Variants in ZFHX3 observed in about 807,000 individuals in gnomAD.
ZFHX3 encodes zinc finger homeobox 3.
ZFHX3 carries 42 observed loss-of-function variants against 279.1 expected under a neutral mutation model. The ratio of observed to expected loss-of-function variants is 0.15; its 90% CI spans 0.12 to 0.19. The LOEUF (loss-of-function observed/expected upper bound fraction) is 0.19. ZFHX3 is among the 10% of genes least tolerant of loss of function. The probability of loss-of-function intolerance (pLI) is 1.00; values close to 1 mark genes in which losing one functional copy is unlikely to be tolerated. For synonymous variants in ZFHX3, 2,293 were observed against 1,957.8 expected (o/e 1.17, Z -4.52); for missense variants, 4,981 against 4,754.0 (o/e 1.05, Z -1.40).
At chr16:73,282,049 A>C (rs1431067146) in intron 4 of ZFHX3, among the ~76,000 whole-genome samples, 2 of 152,214 alleles carry the variant, frequency 1.3e-5, no homozygotes, top group Non-Finnish European at 2.9e-5. Context: ...AATTCTAAAG[A>C]AAACTGAAGT....
At chr16:73,814,886 A>G (rs764455110) in intron 1 of ZFHX3, among the ~76,000 whole-genome samples, 3 of 152,082 alleles carry the variant, frequency 2.0e-5, no homozygotes, top group Non-Finnish European at 4.4e-5. Context: ...CAACTTCTTA[A>G]AAGTAAAGCT....
At chr16:73,654,303 T>C (rs1281280586) in intron 2 of ZFHX3, among the ~76,000 whole-genome samples, 2 of 152,242 alleles carry the variant, frequency 1.3e-5, no homozygotes, top group African/African-American at 2.4e-5. Context: ...CTAATAACTA[T>C]TGAGAAAAAT....
chr16:73,226,901 C>G (rs948678304), intron 5 of ZFHX3, among the ~76,000 whole-genome samples: 8 of 152,190 alleles, frequency 5.3e-5, no homozygotes, highest in Admixed American at 2.0e-4. Flanking sequence ...GTATTTCATA[C>G]TAGAATATTC....
At chr16:73,811,633 G>A (rs984561232) in intron 1 of ZFHX3, among the ~76,000 whole-genome samples, 2 of 151,876 alleles carry the variant, frequency 1.3e-5, no homozygotes, top group African/African-American at 4.8e-5. Context: ...TTTTAATAGA[G>A]ATGGGGTTTC....
intron 3 of ZFHX3, among the ~76,000 whole-genome samples, chr16:73,375,007 T>C (rs1456251293): frequency 6.6e-6 from 1 of 152,238 alleles, no homozygotes; most frequent in Non-Finnish European, 1.5e-5. Flanking sequence ...ATTGCTTACA[T>C]CCGTTAATTC....
intron 2 of ZFHX3, chr16:73,554,194 T>C (rs1178428230): frequency 6.6e-6 from 1 of 152,238 alleles, no homozygotes; most frequent in East Asian, 1.9e-4. Context: ...TCCCAGCCTG[T>C]TGAGACATCA....
At chr16:73,062,787 C>T (rs951926008), upstream of ZFHX3, among the ~76,000 whole-genome samples, 6 of 151,952 alleles carry the variant, frequency 3.9e-5, no homozygotes, top group Non-Finnish European at 8.8e-5. Context: ...GACGCCTCTC[C>T]GTACAACTCC....
chr16:73,439,909 C>CA (rs71156164), intron 3 of ZFHX3, among the ~76,000 whole-genome samples: 2,112 of 75,306 alleles, frequency 0.028, 42 homozygotes, highest in African/African-American at 0.07. Context: ...GGGAGAGGGA[C>CA]AAAAAAAAAA....
intron 1 of ZFHX3, among the ~76,000 whole-genome samples, chr16:73,775,273 C>T (rs1210130031): frequency 6.6e-6 from 1 of 152,178 alleles, no homozygotes; most frequent in African/African-American, 2.4e-5. Flanking sequence ...TTCCTTCTTC[C>T]TATTAAAAAT....
chr16:73,021,347 CTA>C (rs1424805992), intron 1 of ZFHX3, among the ~76,000 whole-genome samples: 2 of 152,186 alleles, frequency 1.3e-5, no homozygotes, highest in African/African-American at 4.8e-5. Flanking sequence ...ACCCTTGACT[CTA>C]TGTCCTGTCT....
chr16:73,710,341 A>C (rs1360916958), intron 1 of ZFHX3, among the ~76,000 whole-genome samples: 2 of 152,206 alleles, frequency 1.3e-5, no homozygotes, highest in African/African-American at 2.4e-5. Context: ...AGGTTTTAGG[A>C]AAAAGCCACA....
At position 72,958,122 on chromosome 16, in the gene ZFHX3, T is replaced by C. The variant is rs1961355018; in HGVS notation, c.2024A>G (p.Lys675Arg). The change falls in exon 2 of 10, where the codon AAG (lysine) becomes AGG (arginine). Residue 675 changes from lysine to arginine, a missense_variant. This residue lies in a region of ZFHX3 where 1,068 missense variants were observed against 935.2 expected (regional missense o/e 1.14). Coordinates refer to ENST00000268489, the MANE Select transcript of ZFHX3 (RefSeq NM_006885.4). ...CTGGTACTTATAGTGCCAGTTGCAC[T>C]TGGGGCACTTGAGTGTCTTACACGA... is the stretch of plus-strand genomic sequence containing the variant. ...RNSCKTLKCPKCNWHYKYQQT... is the reference protein window; with the variant it reads ...RNSCKTLKCPRCNWHYKYQQT... The C allele has an allele frequency of 2.5e-6, 4 of 1,614,216 alleles. No homozygotes were observed. The highest frequency in any genetic ancestry group is 3.4e-6 in the Non-Finnish European group (4 of 1,180,040).
intron 5 of ZFHX3, among the ~76,000 whole-genome samples, chr16:73,147,152 T>C (rs533458775): frequency 6.6e-5 from 10 of 152,326 alleles, no homozygotes; most frequent in South Asian, 2.1e-4. Flanking sequence ...TATGATGGCA[T>C]ATGGGGAGAC....
chr16:73,668,457 C>T (rs1002685449), intron 2 of ZFHX3, among the ~76,000 whole-genome samples: 1 of 152,020 alleles, frequency 6.6e-6, no homozygotes, highest in African/African-American at 2.4e-5. Flanking sequence ...CCTCACCTAG[C>T]CCCCCACCCA....
chr16:73,363,357 G>A (rs767307097), intron 3 of ZFHX3, among the ~76,000 whole-genome samples: 8 of 152,210 alleles, frequency 5.3e-5, no homozygotes, highest in Non-Finnish European at 7.4e-5. Context: ...TTTTAAAAAC[G>A]ATTCCAAATT....
chr16:72,851,618 A>G (rs8058213), intron 4 of ZFHX3, among the ~76,000 whole-genome samples: 106,158 of 151,744 alleles, frequency 0.7, 37,999 homozygotes, highest in East Asian at 0.87. Context: ...GCAGTGGTGC[A>G]AGCTCTGCTC....
intron 1 of ZFHX3, among the ~76,000 whole-genome samples, chr16:73,793,706 G>T (rs538328389): frequency 3.2e-4 from 49 of 152,004 alleles, no homozygotes; most frequent in Non-Finnish European, 6.0e-4. Context: ...TTTTCCAAAA[G>T]ATCAGACCTT....
At chr16:72,915,795 T>C (rs957983027) in intron 3 of ZFHX3, among the ~76,000 whole-genome samples, 1 of 152,018 alleles carries the variant, frequency 6.6e-6, no homozygotes, top group African/African-American at 2.4e-5. Flanking sequence ...TTCATTGTGA[T>C]TTTAAAAGCA....
At chr16:73,558,836 C>T (rs1276069319) in intron 2 of ZFHX3, among the ~76,000 whole-genome samples, 1 of 151,598 alleles carries the variant, frequency 6.6e-6, no homozygotes, top group African/African-American at 2.4e-5. Context: ...CCTCAGCCTC[C>T]TGAGTAGCTG....
Sources: gnomAD v4.1 joint callset for allele counts (sites outside exome capture counted in the v4.1 genomes callset) on GRCh38, gnomAD v4.1.1 for gene constraint, gnomAD v4.1.1 regional missense constraint, MANE v1.5 for transcripts, NCBI Gene and HGNC (gene_info 2026-07-23, HGNC 2026-07-21) for gene names.